HOXA5: variants seen among roughly 807,000 people sequenced by gnomAD.
The protein encoded by HOXA5 is homeobox protein Hox-A5.
A neutral mutation model predicts 20.0 loss-of-function variants in HOXA5; 12 were observed. The ratio of observed to expected loss-of-function variants is 0.60; its 90% confidence interval spans 0.38 to 0.97. HOXA5 has a LOEUF of 0.97. Ranked by LOEUF, HOXA5 falls within the 50% of genes least tolerant of loss-of-function variation. The pLI is 0.00. For synonymous variants in HOXA5, 159 were observed against 157.7 expected, an observed-to-expected ratio of 1.01 and a Z score of -0.06; for missense variants, 352 against 380.3, an observed-to-expected ratio of 0.93 and a Z score of 0.62.
chr7:27,142,987 G>C, intron 1 of HOXA5, 59 bp downstream of exon 1: 1 of 1,421,320 alleles, frequency 7.0e-7, no homozygotes, highest in Admixed American at 2.4e-5. Context: ...AGAGAAGAGA[G>C]GGGGGACCGA....
At chr7:27,142,742 C>T (rs1359840705) in intron 1 of HOXA5, 5 of 387,548 alleles carry the variant, frequency 1.3e-5, no homozygotes, top group African/African-American at 8.4e-5. Context: ...GCGCCTTGCT[C>T]GGCTGGCCTG....
intron 1 of HOXA5, chr7:27,142,835 A>T: frequency 1.9e-6 from 1 of 522,350 alleles, no homozygotes; most frequent in South Asian, 3.2e-5. Context: ...TGTCCCAGAG[A>T]ACGCCCATTT....
intron 1 of HOXA5, among the ~76,000 whole-genome samples, chr7:27,142,443 G>A (rs530857249): frequency 1.1e-4 from 17 of 152,226 alleles, no homozygotes; most frequent in African/African-American, 3.6e-4. Context: ...TTTCCTGAGC[G>A]CCCAAGTGGC....
Position 27,141,872 on chromosome 7 carries a change from A to C in HOXA5, c.776T>G (p.Met259Arg). Reference protein sequence around the residue: ...KWKKDNKLKSMSMAAAGGAFR... With the variant: ...KWKKDNKLKSRSMAAAGGAFR... ...GGCCCCTCCTGCCGCGGCCATGCTC[A>C]TGCTTTTCAGCTTATTATCTTTTTT... Residue 259 changes from methionine to arginine, a missense_variant, in exon 2 of 2, where the codon ATG becomes AGG. Transcript: ENST00000222726. 1 of 1,614,218 alleles carries C rather than the reference A, an allele frequency of 6.2e-7. No individual in the cohort carries two copies. The highest frequency in any genetic ancestry group is 8.5e-7 in the Non-Finnish European group (1 of 1,180,038).
At chr7:27,142,122 C>A (rs758658308) in intron 1 of HOXA5, 37 bp from the exon 2 acceptor site, 2 of 1,597,988 alleles carry the variant, frequency 1.3e-6, no homozygotes, top group Admixed American at 3.4e-5. Flanking sequence ...CCACCAACTC[C>A]TGTCTTCCAA....
At position 27,141,829 on chromosome 7, in the gene HOXA5, A is replaced by G. The variant is rs1224689844; in HGVS notation, c.*6T>C. On this transcript the variant is annotated 3_prime_UTR_variant, in exon 2 of 2. Transcript: ENST00000222726. ...ATACTGCTCAGTACTTTAAACGCTC[A>G]GATACTCAGGGACGGAAGGCCCCTC... 9 of 1,613,400 alleles carry G rather than the reference A, an allele frequency of 5.6e-6. No individual in the cohort carries two copies. Among genetic ancestry groups the G allele is most frequent in the Non-Finnish European group, 5.9e-6 (7 of 1,179,918 alleles).
At chr7:27,142,334 G>T (rs1782600634) in intron 1 of HOXA5, among the ~76,000 whole-genome samples, 1 of 152,156 alleles carries the variant, frequency 6.6e-6, no homozygotes, top group East Asian at 1.9e-4. Flanking sequence ...GCTTTCCCTG[G>T]CCCCTCTCCT....
rs774741194 is a variant in HOXA5 at position 27,143,126 on chromosome 7, C to G, written c.482G>C (p.Ser161Thr). 9 of 1,604,914 alleles carry G rather than the reference C, an allele frequency of 5.6e-6. No homozygotes were observed. ...CGCCGGGCTCGGCTCGCTCTGCGCA[C>G]TCGCCTGCTCGCTGCTGGCAGGGGC... ...EDAPASSEQA[S>T]AQSEPSPAPP... The change falls in exon 1 of 2, where the codon AGT becomes ACT. Residue 161 changes from serine to threonine, a missense_variant. By Grantham distance (58) the Ser-to-Thr change is moderately conservative (BLOSUM62 1). Coordinates refer to ENST00000222726, the MANE Select transcript of HOXA5 (RefSeq NM_019102.4).
At chr7:27,142,122 C>T (rs758658308) in intron 1 of HOXA5, 37 bp from the exon 2 acceptor site, 2 of 1,597,870 alleles carry the variant, frequency 1.3e-6, no homozygotes, top group African/African-American at 2.7e-5. Flanking sequence ...CCACCAACTC[C>T]TGTCTTCCAA....
At chr7:27,142,948 G>T in intron 1 of HOXA5, 98 bp downstream of exon 1, 1 of 1,150,772 alleles carries the variant, frequency 8.7e-7, no homozygotes, top group Non-Finnish European at 1.2e-6. Flanking sequence ...TGGGAGAAAT[G>T]AGACCAAGAG....
At position 27,143,242 on chromosome 7, in the gene HOXA5, T is replaced by C. The variant is rs1782638472; in HGVS notation, c.366A>G (p.Leu122=). 2 of 1,609,262 alleles carry C rather than the reference T, an allele frequency of 1.2e-6. No individual in the cohort carries two copies. Among genetic ancestry groups the C allele is most frequent in the Non-Finnish European group, 1.7e-6 (2 of 1,178,932 alleles). ...CGGCCGAGGCGCCGCTGGAGTTGCT[T>C]AGGGAGTTTTTCCCGCCGTGGTGGC... The part of the protein sequence containing the change: ...SDSHHGGKNS[L]SNSSGASADA... The change falls in exon 1 of 2, where the codon CTA becomes CTG. Residue 122 remains leucine (L), a synonymous_variant. Transcript: ENST00000222726.
intron 1 of HOXA5, chr7:27,142,699 T>C (rs1021483062): frequency 5.9e-5 from 17 of 288,164 alleles, no homozygotes; most frequent in African/African-American, 3.7e-4. Flanking sequence ...ACAAGCCCGA[T>C]TCACGGCTGC....
At position 27,143,026 on chromosome 7, in the gene HOXA5, T is replaced by C. The variant is rs774133906; in HGVS notation, c.562+20A>G. On this transcript the variant is annotated intron_variant, in intron 1 of 1. Coordinates refer to ENST00000222726, the MANE Select transcript of HOXA5 (RefSeq NM_019102.4). ...CCGCGTCCCCGCGGTCGCGTGGATT[T>C]AGAAAAAGGCTGGCTTTACCATGAC... is the stretch of plus-strand genomic sequence containing the variant. 17 of 1,496,648 alleles carry C rather than the reference T, an allele frequency of 1.1e-5. No homozygotes were observed. The highest frequency in any genetic ancestry group is 5.8e-5 in the African/African-American group (4 of 68,492). 92.7% of individuals were successfully genotyped at this position (1,496,648 alleles called of 1,614,324 possible). A position where few individuals can be genotyped will look rare whatever the true frequency, so the allele number is the denominator to read the frequency against.
At chr7:27,142,689 A>C in intron 1 of HOXA5, 1 of 280,312 alleles carries the variant, frequency 3.6e-6, no homozygotes, top group Non-Finnish European at 6.6e-6. Context: ...ATCCGCCGTG[A>C]CAAGCCCGAT....
rs147485948 is a variant in HOXA5 at position 27,141,113 on chromosome 7, C to CAAAAAA, written c.*716_*721dup. On this transcript the variant is annotated 3_prime_UTR_variant, in exon 2 of 2. Coordinates refer to ENST00000222726, the MANE Select transcript of HOXA5 (RefSeq NM_019102.4). ...AGTATTTTTTCCTTAAAAACAAATA[C>CAAAAAA]AAAAAAAAAAAAAAAAAAAAAAAAG... 4.8e-3 allele frequency: 399 copies of CAAAAAA among 82,870 alleles called. No individual in the cohort carries two copies. The highest frequency in any genetic ancestry group is 0.013 in the African/African-American group (261 of 20,340). 5.1% of individuals were successfully genotyped at this position (82,870 alleles called of 1,614,324 possible).
chr7:27,143,410 G>A lies in HOXA5; in HGVS notation c.198C>T (p.Ser66=), dbSNP rs754368141. 4.8e-5 allele frequency: 78 copies of A among 1,610,940 alleles called. No individual in the cohort carries two copies. The highest frequency in any genetic ancestry group is 8.4e-5 in the Admixed American group (5 of 59,868). The change falls in exon 1 of 2, where the codon TCC becomes TCT. Residue 66 remains serine, a synonymous_variant. Coordinates refer to ENST00000222726, the MANE Select transcript of HOXA5 (RefSeq NM_019102.4). ...VGRSGSGHFG[S]GERARSYAAS... ...CAGCGTAGCTGCGGGCGCGCTCTCC[G>A]GAGCCAAAGTGGCCGGAGCCCGAGC... is the stretch of plus-strand genomic sequence containing the variant.
At chr7:27,142,937 C>T in intron 1 of HOXA5, 109 bp downstream of exon 1, 1 of 1,056,194 alleles carries the variant, frequency 9.5e-7, no homozygotes, top group Non-Finnish European at 1.4e-6. Flanking sequence ...CTCCGCAGGG[C>T]TGGGAGAAAT....
chr7:27,141,824 C>A lies in HOXA5; in HGVS notation c.*11G>T, dbSNP rs544222737. ...CGCTAATACTGCTCAGTACTTTAAA[C>A]GCTCAGATACTCAGGGACGGAAGGC... On this transcript the variant is annotated 3_prime_UTR_variant, in exon 2 of 2. Coordinates refer to ENST00000222726, the MANE Select transcript of HOXA5 (RefSeq NM_019102.4). The A allele has an allele frequency of 1.2e-6, 2 of 1,613,018 alleles. No homozygotes were observed. The highest frequency in any genetic ancestry group is 1.7e-6 in the Non-Finnish European group (2 of 1,179,704).
rs1562728301 is a variant in HOXA5, at chr7:27,141,855, C to G, written c.793G>C (p.Gly265Arg). ...KLKSMSMAAA[G>R]GAFRP ...GATACTCAGGGACGGAAGGCCCCTC[C>G]TGCCGCGGCCATGCTCATGCTTTTC... The change falls in exon 2 of 2, where the codon GGA becomes CGA. Residue 265 changes from glycine (G) to arginine (R), a missense_variant. Gly to Arg is a moderately radical substitution (Grantham distance 125). This residue lies in a region of HOXA5 where 30 missense variants were observed against 26.0 expected (regional missense o/e 1.15). Transcript: ENST00000222726. 6.2e-7 allele frequency: 1 copy of G among 1,614,168 alleles called. No homozygotes were observed. The highest frequency in any genetic ancestry group is 8.5e-7 in the Non-Finnish European group (1 of 1,180,042).
Sources: allele counts gnomAD v4.1 joint callset (sites outside exome capture counted in the v4.1 genomes callset), GRCh38; gene constraint gnomAD v4.1.1; regional missense constraint gnomAD v4.1.1; transcripts MANE v1.5; gene names NCBI Gene and HGNC (gene_info 2026-07-23, HGNC 2026-07-21).